Variants in UNC5B observed in about 807,000 individuals in gnomAD.
UNC5B encodes the protein netrin receptor UNC5B.
In UNC5B, 56 loss-of-function variants were observed where a neutral mutation model predicts 103.7. That is an observed-to-expected ratio of 0.54 (90% CI 0.44 to 0.67). UNC5B has a LOEUF of 0.67. UNC5B is among the 30% of genes least tolerant of loss of function. The pLI is 0.00. For missense variants in UNC5B, 1,194 were observed against 1,284.5 expected (o/e 0.93, Z 1.08); for synonymous variants, 577 against 542.0 (o/e 1.06, Z -0.90).
chr10:71,291,803 C>A lies in UNC5B; in HGVS notation c.1666C>A (p.Leu556Ile). The A allele has an allele frequency of 6.2e-7, 1 of 1,600,138 alleles. No homozygotes were observed. Among genetic ancestry groups the A allele is most frequent in the South Asian group, 1.1e-5 (1 of 90,394 alleles). Residue 556 changes from leucine (L) to isoleucine (I), a missense_variant, in exon 10 of 17, where the codon CTC becomes ATC. Leu to Ile is a conservative substitution (Grantham distance 5). Transcript: ENST00000335350. ...SGTFGCLGGR[L>I]SIPGTGVSLL... ...CACCTTTGGCTGCCTGGGTGGGAGGCTCAGCATCCCCGGCACAGGTGAGCC... is the reference window on the plus strand; with the variant it reads ...CACCTTTGGCTGCCTGGGTGGGAGGATCAGCATCCCCGGCACAGGTGAGCC...
At chr10:71,231,712 C>G (rs917141528) in intron 1 of UNC5B, among the ~76,000 whole-genome samples, 1 of 151,880 alleles carries the variant, frequency 6.6e-6, no homozygotes, top group African/African-American at 2.4e-5. Context: ...GGACTGTGGG[C>G]CAGGTTTGGG....
At chr10:71,291,284 T>A in intron 9 of UNC5B, 148 bp from the exon 10 acceptor site, 2 of 1,360,000 alleles carry the variant, frequency 1.5e-6, no homozygotes, top group Non-Finnish European at 2.0e-6. Context: ...AGGAAGGGAG[T>A]GACCCAGGCT....
chr10:71,288,254 C>G (rs966460772), intron 6 of UNC5B, among the ~76,000 whole-genome samples: 5 of 152,214 alleles, frequency 3.3e-5, no homozygotes, highest in African/African-American at 4.8e-5. Context: ...TTTGTGCCTA[C>G]GCTGTTTTTC....
rs1417905456 is a variant in UNC5B at position 71,293,774 on chromosome 10, C to G, written c.2016C>G (p.Ile672Met). 3 of 1,601,176 alleles carry G rather than the reference C, an allele frequency of 1.9e-6. No individual in the cohort carries two copies. In the African/African-American group the frequency reaches 4.0e-5, roughly 22 times the overall value. ...YCQLEPRACH[I>M]LLDQLGTYVF... ...AGCTGGAGCCCAGGGCCTGTCACAT[C>G]CTGCTGGACCAGCTGGGCACCTACG... The change falls in exon 13 of 17, where the codon ATC (isoleucine) becomes ATG (methionine). Residue 672 changes from isoleucine (I) to methionine (M), a missense_variant. Ile to Met is a conservative substitution (Grantham distance 10). Coordinates refer to ENST00000335350, the MANE Select transcript of UNC5B (RefSeq NM_170744.5).
At chr10:71,233,608 C>T (rs1843723033) in intron 1 of UNC5B, among the ~76,000 whole-genome samples, 1 of 152,220 alleles carries the variant, frequency 6.6e-6, no homozygotes, top group African/African-American at 2.4e-5. Flanking sequence ...TCTAGCTCTG[C>T]AGCCTGCATC....
chr10:71,227,605 T>A (rs538063356), intron 1 of UNC5B, among the ~76,000 whole-genome samples: 10 of 118,252 alleles, frequency 8.5e-5, no homozygotes, highest in African/African-American at 3.5e-4. Context: ...TATACATACA[T>A]ATATACATAT....
At chr10:71,241,058 C>T (rs1221031401) in intron 1 of UNC5B, among the ~76,000 whole-genome samples, 2 of 152,218 alleles carry the variant, frequency 1.3e-5, no homozygotes, top group South Asian at 4.1e-4. Flanking sequence ...AGGAACTGGT[C>T]AGATCACTCT....
At chr10:71,215,804 TTGGTGTGTG>T (rs1843316536) in intron 1 of UNC5B, among the ~76,000 whole-genome samples, 1 of 82,218 alleles carries the variant, frequency 1.2e-5, no homozygotes, top group Non-Finnish European at 2.5e-5. Flanking sequence ...GTGTCTCTGC[TTGGTGTGTG>T]TGTGTGTGTG....
Position 71,298,039 on chromosome 10 carries a change from A to G in UNC5B, c.2621A>G (p.Asn874Ser). Residue 874 changes from asparagine (N) to serine (S), a missense_variant, in exon 16 of 17, where the codon AAC becomes AGC. Transcript: ENST00000335350. ...ATATGCAACAGCCTAGATGCCCCCA[A>G]CTCACGGGGCAATGACTGGCGGATG... ...QKICNSLDAP[N>S]SRGNDWRMLA... The G allele has an allele frequency of 1.2e-6, 2 of 1,613,504 alleles. No individual in the cohort carries two copies. The highest frequency in any genetic ancestry group is 1.7e-6 in the Non-Finnish European group (2 of 1,179,886).
chr10:71,296,562 C>A lies in UNC5B; in HGVS notation c.2326-16C>A, dbSNP rs1443995401. ...GCTGGCCTTGCCTGCCTGGTCCTGA[C>A]CCCCTCCTCCTGCAGGAGATCCCCT... is the stretch of plus-strand genomic sequence containing the variant. On this transcript the variant is annotated splice_polypyrimidine_tract_variant and intron_variant, in intron 14 of 16. Coordinates refer to ENST00000335350, the MANE Select transcript of UNC5B (RefSeq NM_170744.5). 16 of 1,612,712 alleles carry A rather than the reference C, an allele frequency of 9.9e-6. No homozygotes were observed. The East Asian group carries it at 3.3e-4, about 34-fold the overall frequency.
intron 1 of UNC5B, among the ~76,000 whole-genome samples, chr10:71,278,355 C>T (rs1376996893): frequency 2.0e-5 from 3 of 152,300 alleles, no homozygotes; most frequent in East Asian, 1.9e-4. Context: ...CTCTTGTGCT[C>T]ATCAGACATA....
chr10:71,240,661 C>T lies in UNC5B; in HGVS notation c.79+27597C>T, dbSNP rs914982262. Among the ~76,000 whole-genome samples, 3 of 152,368 alleles carry T rather than the reference C, an allele frequency of 2.0e-5. No individual in the cohort carries two copies. The East Asian group carries it at 5.8e-4, about 29-fold the overall frequency. On this transcript the variant is annotated intron_variant, in intron 1 of 16. Coordinates refer to ENST00000335350, the MANE Select transcript of UNC5B (RefSeq NM_170744.5). ...CTCCCGGCCCAGCAGCTGCCCGCCG[C>T]CTGCTCCTCCTCCCCCACTGTCGCT...
chr10:71,281,106 T>C (rs1176614435), intron 2 of UNC5B, among the ~76,000 whole-genome samples: 1 of 152,198 alleles, frequency 6.6e-6, no homozygotes, highest in African/African-American at 2.4e-5. Flanking sequence ...GCTGTCTCAC[T>C]GTCCTTCTTT....
At chr10:71,232,055 AC>A (rs1027117071) in intron 1 of UNC5B, among the ~76,000 whole-genome samples, 2 of 152,064 alleles carry the variant, frequency 1.3e-5, no homozygotes, top group Admixed American at 1.3e-4. Context: ...AAATGGGGAA[AC>A]CTCCTTGTTG....
intron 1 of UNC5B, among the ~76,000 whole-genome samples, chr10:71,235,521 T>G (rs1029928512): frequency 6.6e-6 from 1 of 152,202 alleles, no homozygotes; most frequent in East Asian, 1.9e-4. Context: ...TCCTCAGCCT[T>G]GGGCCTGGAG....
intron 14 of UNC5B, 81 bp from the exon 15 acceptor site, chr10:71,296,497 C>T: frequency 6.6e-7 from 1 of 1,524,866 alleles, no homozygotes; most frequent in Non-Finnish European, 8.8e-7. Context: ...CCAAAGCTCC[C>T]AACCCTCCCT....
chr10:71,261,607 C>G (rs1191272383), intron 1 of UNC5B, among the ~76,000 whole-genome samples: 6 of 152,318 alleles, frequency 3.9e-5, no homozygotes, highest in African/African-American at 1.4e-4. Context: ...CCTCAACCTG[C>G]AAAACACATC....
chr10:71,235,013 C>T (rs1305071927), intron 1 of UNC5B, among the ~76,000 whole-genome samples: 1 of 152,132 alleles, frequency 6.6e-6, no homozygotes, highest in Admixed American at 6.5e-5. Flanking sequence ...CCACCCCCAG[C>T]GCCCAGGGGG....
intron 1 of UNC5B, among the ~76,000 whole-genome samples, chr10:71,238,163 G>A (rs1266068714): frequency 6.6e-6 from 1 of 152,168 alleles, no homozygotes; most frequent in South Asian, 2.1e-4. Context: ...GCCCTGGGTG[G>A]AAAGCCCGTT....
Sources: gnomAD v4.1 joint callset for allele counts (sites outside exome capture counted in the v4.1 genomes callset) on GRCh38, gnomAD v4.1.1 for gene constraint, MANE v1.5 for transcripts, NCBI Gene and HGNC (gene_info 2026-07-23, HGNC 2026-07-21) for gene names.